Variants in CACNB2 observed in about 807,000 individuals in gnomAD.
The protein encoded by CACNB2 is voltage-dependent L-type calcium channel subunit beta-2.
Under a neutral mutation model 73.3 loss-of-function variants are expected in CACNB2, and 42 were observed. The observed-to-expected ratio is 0.57, with a 90% CI of 0.45 to 0.74. The LOEUF is 0.74. Ranked by LOEUF, CACNB2 falls within the 30% of genes least tolerant of loss-of-function variation. CACNB2 has a pLI of 0.00. For synonymous variants in CACNB2, 348 were observed against 310.3 expected (o/e 1.12, Z -1.28); for missense variants, 940 against 853.0 (o/e 1.10, Z -1.27).
intron 2 of CACNB2, among the ~76,000 whole-genome samples, chr10:18,354,959 T>C (rs1422024915): frequency 6.6e-6 from 1 of 152,170 alleles, no homozygotes. Flanking sequence ...CACCTTTGCT[T>C]CCTGATGGTT....
chr10:18,393,385 G>T lies in CACNB2; in HGVS notation c.214-8539G>T, dbSNP rs530380691. ...CTCTAATTTTAACTTTTTCAAAATG[G>T]TTCCTTTGGACAATGTCAAATTTTG... On this transcript the variant is annotated intron_variant, in intron 2 of 13. Transcript: ENST00000324631. 8.5e-5 allele frequency among the ~76,000 whole-genome samples: 13 copies of T among 152,100 alleles called. No individual in the cohort carries two copies. In the South Asian group the frequency reaches 2.5e-3, roughly 29 times the overall value.
At chr10:18,321,977 ACT>A (rs1386993909) in intron 2 of CACNB2, among the ~76,000 whole-genome samples, 1 of 151,886 alleles carries the variant, frequency 6.6e-6, no homozygotes, top group African/African-American at 2.4e-5. Flanking sequence ...ACATAGCAAG[ACT>A]CTGTCTCTAC....
chr10:18,468,925 A>G (rs1019647407), intron 3 of CACNB2, among the ~76,000 whole-genome samples: 3 of 152,190 alleles, frequency 2.0e-5, no homozygotes, highest in African/African-American at 4.8e-5. Flanking sequence ...TAAAGGTGCC[A>G]TAAGTGATAT....
Position 18,539,790 on chromosome 10 carries a change from A to T in CACNB2, c.*66A>T. 6.6e-7 allele frequency: 1 copy of T among 1,504,386 alleles called. No homozygotes were observed. The highest frequency in any genetic ancestry group is 2.0e-5 in the Admixed American group (1 of 49,376). 93.2% of individuals were successfully genotyped at this position (1,504,386 alleles called of 1,614,324 possible). On this transcript the variant is annotated 3_prime_UTR_variant, in exon 14 of 14. Coordinates refer to ENST00000324631, the MANE Select transcript of CACNB2 (RefSeq NM_201596.3). ...CTTGTATAACTAACAGCATCCCCAA[A>T]ACAAAGTCTTTGGGGTCTACACTGC...
intron 3 of CACNB2, among the ~76,000 whole-genome samples, chr10:18,449,866 G>A (rs61141526): frequency 0.028 from 4,283 of 152,262 alleles, 215 homozygotes; most frequent in African/African-American, 0.099. Flanking sequence ...AGCAGAGAAG[G>A]GGCCTCAGAA....
chr10:18,202,439 A>C, intron 2 of CACNB2, among the ~76,000 whole-genome samples: 1 of 152,192 alleles, frequency 6.6e-6, no homozygotes, highest in East Asian at 1.9e-4. Context: ...TAGGGACCAA[A>C]CCATGGGATT....
At chr10:18,328,373 T>C (rs906561572) in intron 2 of CACNB2, among the ~76,000 whole-genome samples, 2 of 152,176 alleles carry the variant, frequency 1.3e-5, no homozygotes, top group African/African-American at 4.8e-5. Flanking sequence ...GATTCCACTT[T>C]GCAGCAAGGC....
At chr10:18,417,767 T>A (rs956479357) in intron 3 of CACNB2, among the ~76,000 whole-genome samples, 4 of 152,162 alleles carry the variant, frequency 2.6e-5, no homozygotes, top group Non-Finnish European at 5.9e-5. Flanking sequence ...TGCCTTTTCC[T>A]GTAGAGAAAT....
intron 2 of CACNB2, among the ~76,000 whole-genome samples, chr10:18,199,625 A>T (rs997312287): frequency 6.6e-6 from 1 of 152,222 alleles, no homozygotes; most frequent in Non-Finnish European, 1.5e-5. Flanking sequence ...GTCAGATCTT[A>T]TAAGGTATAC....
At chr10:18,235,978 C>G (rs990025723) in intron 2 of CACNB2, among the ~76,000 whole-genome samples, 5 of 152,158 alleles carry the variant, frequency 3.3e-5, no homozygotes, top group African/African-American at 1.2e-4. Context: ...TCCCCTTAAA[C>G]TCTCTTCCTC....
At chr10:18,266,358 A>G (rs2037800714) in intron 2 of CACNB2, among the ~76,000 whole-genome samples, 1 of 152,182 alleles carries the variant, frequency 6.6e-6, no homozygotes, top group African/African-American at 2.4e-5. Context: ...CTTGTTTGGA[A>G]TGTCTTTCCA....
intron 2 of CACNB2, among the ~76,000 whole-genome samples, chr10:18,354,182 T>G (rs1226055066): frequency 1.3e-5 from 2 of 152,186 alleles, no homozygotes; most frequent in African/African-American, 2.4e-5. Flanking sequence ...GGCTCAAATA[T>G]AATTTGAAAA....
chr10:18,446,315 A>G (rs1250691618), intron 3 of CACNB2, among the ~76,000 whole-genome samples: 1 of 152,226 alleles, frequency 6.6e-6, no homozygotes, highest in African/African-American at 2.4e-5. Context: ...GTTTTGAACC[A>G]GGAAATGAAA....
chr10:18,158,506 T>C (rs888105338), intron 2 of CACNB2, among the ~76,000 whole-genome samples: 2 of 152,212 alleles, frequency 1.3e-5, no homozygotes, highest in African/African-American at 4.8e-5. Context: ...TAGAAACTCT[T>C]TGGCTATGGG....
rs1294982683 is a variant in CACNB2 at position 18,541,384 on chromosome 10, A to C, written c.*1660A>C. 2.6e-5 allele frequency: 4 copies of C among 152,554 alleles called. No individual in the cohort carries two copies. The highest frequency in any genetic ancestry group is 4.4e-5 in the Non-Finnish European group (3 of 68,038). The allele number at this position is 152,554 out of a possible 1,614,324, so 9.5% of individuals were successfully genotyped here. A position where few individuals can be genotyped will look rare whatever the true frequency, so the allele number is the denominator to read the frequency against. The stretch of plus-strand genomic sequence containing the variant: ...CATGCCTCAATTACACTGCTGTAAG[A>C]AGCTTACAATGTCATCATGTTTAAG... On this transcript the variant is annotated 3_prime_UTR_variant, in exon 14 of 14. Coordinates refer to ENST00000324631, the MANE Select transcript of CACNB2 (RefSeq NM_201596.3).
chr10:18,340,446 G>A (rs2041184154), intron 2 of CACNB2, among the ~76,000 whole-genome samples: 1 of 152,160 alleles, frequency 6.6e-6, no homozygotes, highest in Non-Finnish European at 1.5e-5. Flanking sequence ...TTTTATTGCA[G>A]ACTTTCAAGA....
intron 2 of CACNB2, among the ~76,000 whole-genome samples, chr10:18,189,265 G>A (rs149634135): frequency 7.6e-4 from 115 of 152,146 alleles, no homozygotes; most frequent in African/African-American, 2.7e-3. Flanking sequence ...GCTCATGAAC[G>A]TGTCATTAAA....
In CACNB2 at chr10:18,536,253, TTTTTTTTTTTTTTTTTTTTTGG is replaced by T. The variant is rs2053573197; in HGVS notation, c.1302+58_1302+79del. On this transcript the variant is annotated intron_variant, in intron 12 of 13. Coordinates refer to ENST00000324631, the MANE Select transcript of CACNB2 (RefSeq NM_201596.3). ...TTACAGAGATCAGACCTTTTTTTTTTTTTTTTTTTTTTTTTTTTTTGGGGGACAAGGTCTTGCTCTGTTGCCC... is the reference window on the plus strand; with the variant it reads ...TTACAGAGATCAGACCTTTTTTTTTTGGGACAAGGTCTTGCTCTGTTGCCC... 5 of 613,260 alleles carry T rather than the reference TTTTTTTTTTTTTTTTTTTTTGG, an allele frequency of 8.2e-6. 1 individual carries two copies. Among genetic ancestry groups the T allele is most frequent in the African/African-American group, 6.4e-5 (2 of 31,402 alleles). 38.0% of individuals were successfully genotyped at this position (613,260 alleles called of 1,614,324 possible).
chr10:18,263,238 A>G (rs974514884), intron 2 of CACNB2, among the ~76,000 whole-genome samples: 9 of 152,132 alleles, frequency 5.9e-5, no homozygotes, highest in Admixed American at 5.2e-4. Flanking sequence ...AAGGAAAAGA[A>G]CCCACTGTGC....
Sources: allele counts gnomAD v4.1 joint callset (sites outside exome capture counted in the v4.1 genomes callset), GRCh38; gene constraint gnomAD v4.1.1; transcripts MANE v1.5; gene names NCBI Gene and HGNC (gene_info 2026-07-23, HGNC 2026-07-21).